The following FGGY variants were observed in gnomAD, a reference collection of about 807,000 sequenced individuals.
FGGY encodes FGGY carbohydrate kinase domain containing.
FGGY carries 72 observed loss-of-function variants against 71.3 expected under a neutral mutation model. The observed-to-expected ratio is 1.01, with a 90% CI of 0.84 to 1.23. FGGY has a LOEUF of 1.23. Ranked by LOEUF, FGGY falls within the 50% of genes most tolerant of loss-of-function variation. The pLI is 0.00. For missense variants in FGGY, 668 were observed against 682.3 expected, an observed-to-expected ratio of 0.98 and a Z score of 0.23; for synonymous variants, 251 against 250.3, an observed-to-expected ratio of 1.00 and a Z score of -0.02.
intron 2 of FGGY, among the ~76,000 whole-genome samples, chr1:59,328,033 C>T (rs1476672834): frequency 6.6e-6 from 1 of 152,130 alleles, no homozygotes; most frequent in African/African-American, 2.4e-5. Context: ...TTCTTAAGGG[C>T]CCTAGGATTT....
chr1:59,319,764 G>A (rs986751470), intron 1 of FGGY, among the ~76,000 whole-genome samples: 2 of 152,142 alleles, frequency 1.3e-5, no homozygotes, highest in African/African-American at 4.8e-5. Context: ...GGCAGGCAGA[G>A]GGAGCCTGTG....
intron 11 of FGGY, among the ~76,000 whole-genome samples, chr1:59,639,533 G>A (rs575253950): frequency 3.3e-5 from 5 of 152,142 alleles, no homozygotes; most frequent in African/African-American, 7.2e-5. Flanking sequence ...GCAACAGACC[G>A]CAACTAGAAA....
chr1:59,560,916 A>T (rs1402929189), intron 8 of FGGY, among the ~76,000 whole-genome samples: 1 of 151,960 alleles, frequency 6.6e-6, no homozygotes, highest in Non-Finnish European at 1.5e-5. Flanking sequence ...CTGCCAGCCC[A>T]ATTTCTGTAG....
In FGGY at chr1:59,328,902, G is replaced by A. The variant is rs182550011; in HGVS notation, c.201+7152G>A. On this transcript the variant is annotated intron_variant, in intron 2 of 15. Coordinates refer to ENST00000303721, the MANE Select transcript of FGGY (RefSeq NM_018291.5). ...TCTATTAAGTTTGCCCGTCTTATAT[G>A]GGTGCAGTTTGTGGTGCCCCAAAAC... Among the ~76,000 whole-genome samples the A allele has an allele frequency of 2.0e-5, 3 of 152,086 alleles. No individual in the cohort carries two copies. The East Asian group carries it at 5.8e-4, about 29-fold the overall frequency.
chr1:59,735,359 C>T (rs1020496957), intron 14 of FGGY, among the ~76,000 whole-genome samples: 1 of 152,218 alleles, frequency 6.6e-6, no homozygotes, highest in Non-Finnish European at 1.5e-5. Context: ...ACCTCTTTAG[C>T]TCATGAGGAA....
At chr1:59,646,695 C>G (rs189832454) in intron 11 of FGGY, among the ~76,000 whole-genome samples, 137 of 152,168 alleles carry the variant, frequency 9.0e-4, no homozygotes, top group African/African-American at 3.2e-3. Context: ...CAACAACCTT[C>G]ACAACAACCG....
At chr1:59,528,038 A>G (rs571910036) in intron 7 of FGGY, among the ~76,000 whole-genome samples, 1 of 152,272 alleles carries the variant, frequency 6.6e-6, no homozygotes, top group East Asian at 1.9e-4. Context: ...TGGGGCCTAA[A>G]TATCTGCACT....
intron 1 of FGGY, among the ~76,000 whole-genome samples, chr1:59,310,404 G>A (rs2044102510): frequency 6.6e-6 from 1 of 152,208 alleles, no homozygotes; most frequent in Admixed American, 6.5e-5. Context: ...GAGAGGTCAG[G>A]AATTCACATT....
intron 1 of FGGY, among the ~76,000 whole-genome samples, chr1:59,302,554 A>C (rs1026355978): frequency 4.6e-5 from 7 of 152,160 alleles, no homozygotes; most frequent in African/African-American, 1.4e-4. Context: ...TGAGCCAGCT[A>C]ACACAGAAAC....
rs148987096 is a variant in FGGY, at chr1:59,525,016, G to A, written c.799+12577G>A. Among the ~76,000 whole-genome samples the A allele has an allele frequency of 3.3e-3, 496 of 152,346 alleles. 1 individual carries two copies. Among genetic ancestry groups the A allele is most frequent in the Middle Eastern group, 0.017 (5 of 294 alleles). On this transcript the variant is annotated intron_variant, in intron 7 of 15. Coordinates refer to ENST00000303721, the MANE Select transcript of FGGY (RefSeq NM_018291.5). ...CTCCCCAAGCCAGGGGTGTGACACT[G>A]TCTTTAAGGCTTTGAGGTTCATGGC...
chr1:59,452,980 TG>T (rs2091336493), intron 5 of FGGY, among the ~76,000 whole-genome samples: 1 of 152,232 alleles, frequency 6.6e-6, no homozygotes, highest in Admixed American at 6.5e-5. Context: ...ATGTCAAAAC[TG>T]GTCTTAATAG....
intron 6 of FGGY, among the ~76,000 whole-genome samples, chr1:59,476,698 A>G (rs886130411): frequency 6.6e-6 from 1 of 152,256 alleles, no homozygotes; most frequent in East Asian, 1.9e-4. Context: ...TTCTCATCAA[A>G]TTACCTGCCC....
At chr1:59,540,553 G>A (rs2095424560) in intron 7 of FGGY, among the ~76,000 whole-genome samples, 1 of 152,170 alleles carries the variant, frequency 6.6e-6, no homozygotes, top group African/African-American at 2.4e-5. Flanking sequence ...CTCTGGCAAG[G>A]CATGGTATTT....
intron 14 of FGGY, among the ~76,000 whole-genome samples, 196 bp from the exon 15 acceptor site, chr1:59,757,735 T>C (rs1296770836): frequency 6.6e-6 from 1 of 152,184 alleles, no homozygotes; most frequent in Non-Finnish European, 1.5e-5. Context: ...TAATTGAAAC[T>C]TTAAATGTTC....
At chr1:59,571,806 TCAAA>T (rs1465728223) in intron 8 of FGGY, among the ~76,000 whole-genome samples, 1 of 152,130 alleles carries the variant, frequency 6.6e-6, no homozygotes, top group East Asian at 1.9e-4. Flanking sequence ...CATAGATGGA[TCAAA>T]CAATTTTAAG....
intron 1 of FGGY, among the ~76,000 whole-genome samples, chr1:59,320,041 C>T (rs2046116874): frequency 6.6e-6 from 1 of 152,068 alleles, no homozygotes; most frequent in Admixed American, 6.6e-5. Context: ...TGGAGGTCCC[C>T]AAGGGGAATG....
intron 8 of FGGY, among the ~76,000 whole-genome samples, chr1:59,591,782 G>T (rs1210705053): frequency 6.6e-6 from 1 of 152,046 alleles, no homozygotes; most frequent in Non-Finnish European, 1.5e-5. Context: ...TTATACAAAA[G>T]TTAATTCAAG....
At chr1:59,417,128 C>CA (rs2064595929) in intron 5 of FGGY, among the ~76,000 whole-genome samples, 2 of 152,198 alleles carry the variant, frequency 1.3e-5, no homozygotes, top group Admixed American at 1.3e-4. Context: ...TCATATCCCT[C>CA]TACACCTAGC....
intron 5 of FGGY, among the ~76,000 whole-genome samples, chr1:59,447,328 G>A (rs999406749): frequency 2.6e-5 from 4 of 151,664 alleles, no homozygotes; most frequent in Non-Finnish European, 5.9e-5. Flanking sequence ...TCTTTTTTCT[G>A]GTCAGATTCC....
Sources: gnomAD v4.1 joint callset for allele counts (sites outside exome capture counted in the v4.1 genomes callset) on GRCh38, gnomAD v4.1.1 for gene constraint, MANE v1.5 for transcripts, NCBI Gene and HGNC (gene_info 2026-07-23, HGNC 2026-07-21) for gene names.